The following SORCS3 variants were observed in gnomAD, a reference collection of about 807,000 sequenced individuals.
SORCS3 encodes the protein VPS10 domain-containing receptor SorCS3.
A neutral mutation model predicts 146.3 loss-of-function variants in SORCS3; 57 were observed. The ratio of observed to expected loss-of-function variants is 0.39; its 90% CI spans 0.31 to 0.49. SORCS3 has a LOEUF of 0.49. SORCS3 is among the 20% of genes least tolerant of loss of function. SORCS3 has a pLI of 0.92. For missense variants in SORCS3, 1,341 were observed against 1,575.5 expected, an observed-to-expected ratio of 0.85 and a Z score of 2.52; for synonymous variants, 653 against 618.5, an observed-to-expected ratio of 1.06 and a Z score of -0.83.
At chr10:105,001,470 T>C (rs995833109) in intron 4 of SORCS3, among the ~76,000 whole-genome samples, 3 of 152,264 alleles carry the variant, frequency 2.0e-5, no homozygotes, top group African/African-American at 4.8e-5. Context: ...TGTGTTGTCC[T>C]GTATGCTTCC....
At chr10:104,830,442 T>C (rs944952908) in intron 1 of SORCS3, among the ~76,000 whole-genome samples, 1 of 152,076 alleles carries the variant, frequency 6.6e-6, no homozygotes, top group Non-Finnish European at 1.5e-5. Flanking sequence ...GTTCCTGCTG[T>C]GTGTGCTGAG....
In SORCS3 at chr10:105,213,104, A is replaced by T. The variant is rs563605976; in HGVS notation, c.2376-1338A>T. The stretch of plus-strand genomic sequence containing the variant: ...GGTGCGCTACCATATTGCCTACCAT[A>T]TGGACAAGTGGTGCTATGTTAACCA... On this transcript the variant is annotated intron_variant, in intron 17 of 26. Transcript: ENST00000369701. Among the ~76,000 whole-genome samples the T allele has an allele frequency of 6.6e-5, 10 of 152,330 alleles. No homozygotes were observed. The East Asian group carries it at 1.9e-3, about 29-fold the overall frequency.
intron 1 of SORCS3, among the ~76,000 whole-genome samples, chr10:104,771,070 C>T (rs1272681900): frequency 2.6e-5 from 4 of 152,116 alleles, no homozygotes; most frequent in Admixed American, 6.6e-5. Flanking sequence ...TTGATAGCCA[C>T]GTGGGCTGAT....
chr10:105,071,264 T>C (rs2133726079), intron 5 of SORCS3, among the ~76,000 whole-genome samples: 1 of 152,338 alleles, frequency 6.6e-6, no homozygotes, highest in Middle Eastern at 3.4e-3. Flanking sequence ...TGAAAGGCTG[T>C]CACTACTCTC....
intron 1 of SORCS3, among the ~76,000 whole-genome samples, chr10:104,825,911 A>G (rs993586322): frequency 1.3e-5 from 2 of 152,152 alleles, no homozygotes; most frequent in East Asian, 3.8e-4. Flanking sequence ...CCTTGTTTCA[A>G]CAGCATTGCG....
intron 4 of SORCS3, among the ~76,000 whole-genome samples, chr10:105,036,184 A>G (rs530985017): frequency 3.5e-4 from 53 of 152,176 alleles, no homozygotes; most frequent in Non-Finnish European, 6.5e-4. Flanking sequence ...TTTAGCCACA[A>G]TTTTTGGGGA....
intron 5 of SORCS3, among the ~76,000 whole-genome samples, chr10:105,088,260 A>T (rs1491001722): frequency 6.6e-6 from 1 of 152,220 alleles, no homozygotes; most frequent in African/African-American, 2.4e-5. Flanking sequence ...ATGACTAATG[A>T]TGCCTGCTTT....
intron 3 of SORCS3, among the ~76,000 whole-genome samples, chr10:104,973,517 T>C (rs1208228015): frequency 2.0e-5 from 3 of 151,904 alleles, no homozygotes; most frequent in Non-Finnish European, 2.9e-5. Flanking sequence ...TGGTAGTTTG[T>C]ATTTCTGTGG....
intron 1 of SORCS3, among the ~76,000 whole-genome samples, chr10:104,786,049 A>T (rs2017431644): frequency 6.6e-6 from 1 of 152,088 alleles, no homozygotes; most frequent in African/African-American, 2.4e-5. Context: ...TGAGGGGAGG[A>T]TCCTCTTTAG....
Position 105,157,239 on chromosome 10 carries a change from A to G in SORCS3, c.1584A>G (p.Gln528=). The change falls in exon 10 of 27, where the codon CAA becomes CAG. Residue 528 remains glutamine (Q), a synonymous_variant. Coordinates refer to ENST00000369701, the MANE Select transcript of SORCS3 (RefSeq NM_014978.3). ...AAGGCAGGGATTGGCGCCTGCTGCA[A>G]GCTCCGGATGTGGACCTGAGAGGAA... ...YNKGRDWRLL[Q]APDVDLRGSP... The G allele has an allele frequency of 1.2e-6, 2 of 1,614,130 alleles. No homozygotes were observed. Among genetic ancestry groups the G allele is most frequent in the Non-Finnish European group, 1.7e-6 (2 of 1,179,966 alleles).
intron 4 of SORCS3, among the ~76,000 whole-genome samples, chr10:105,025,837 A>ACACACACACAC (rs2055224875): frequency 1.5e-5 from 2 of 135,418 alleles, no homozygotes; most frequent in African/African-American, 2.8e-5. Context: ...TGTCTTCTCA[A>ACACACACACAC]ACACACACAC....
intron 7 of SORCS3, among the ~76,000 whole-genome samples, chr10:105,131,935 T>C (rs1024378200): frequency 4.6e-5 from 7 of 152,136 alleles, no homozygotes; most frequent in African/African-American, 9.6e-5. Context: ...ACCTCCAACA[T>C]TGGGGATTAT....
intron 9 of SORCS3, among the ~76,000 whole-genome samples, chr10:105,154,704 G>A (rs1279657443): frequency 2.0e-5 from 3 of 152,200 alleles, no homozygotes; most frequent in African/African-American, 7.2e-5. Context: ...ATTGCATTTA[G>A]TGAGGGTGCG....
At chr10:104,913,098 G>A (rs896045287) in intron 2 of SORCS3, among the ~76,000 whole-genome samples, 2 of 152,196 alleles carry the variant, frequency 1.3e-5, no homozygotes, top group Non-Finnish European at 2.9e-5. Context: ...AGAAAGGGAC[G>A]TTGAAGCCAG....
chr10:104,876,779 TTC>T (rs2018578763), intron 2 of SORCS3, among the ~76,000 whole-genome samples: 2 of 151,098 alleles, frequency 1.3e-5, no homozygotes, highest in Admixed American at 6.6e-5. Flanking sequence ...CTTCCTTTCC[TTC>T]TTTTCTTTTT....
At chr10:104,794,588 GGTGTGTGT>G (rs373822186) in intron 1 of SORCS3, among the ~76,000 whole-genome samples, 1 of 133,936 alleles carries the variant, frequency 7.5e-6, no homozygotes, top group South Asian at 2.5e-4. Context: ...AGGTAGATAG[GGTGTGTGT>G]GTGTGTGTGA....
At chr10:104,690,273 G>A (rs2016096179) in intron 1 of SORCS3, among the ~76,000 whole-genome samples, 1 of 152,218 alleles carries the variant, frequency 6.6e-6, no homozygotes, top group Non-Finnish European at 1.5e-5. Context: ...GGTGTGGGAT[G>A]TGGATTTGAC....
At position 105,247,329 on chromosome 10, in the gene SORCS3, A is replaced by AAAGTAAGTT; in HGVS notation, c.3104_3105+7dup. On this transcript the variant is annotated stop_gained and inframe_insertion and splice_region_variant, in exon 22 of 27. Transcript: ENST00000369701. LOFTEE classifies it high-confidence loss of function. ...CAATGTCATCAAGCGAGCTCTGGTTAAAGTAAGTTGGCTTTGTCTTTTTTT... is the reference window on the plus strand; with the variant it reads ...CAATGTCATCAAGCGAGCTCTGGTTAAAGTAAGTTAAGTAAGTTGGCTTTGTCTTTTTTT... 6.3e-7 allele frequency: 1 copy of AAAGTAAGTT among 1,585,880 alleles called. No individual in the cohort carries two copies. Among genetic ancestry groups the AAAGTAAGTT allele is most frequent in the East Asian group, 2.2e-5 (1 of 44,684 alleles).
At chr10:104,824,996 G>A (rs965167500) in intron 1 of SORCS3, among the ~76,000 whole-genome samples, 1 of 152,218 alleles carries the variant, frequency 6.6e-6, no homozygotes, top group Admixed American at 6.5e-5. Context: ...TTCCCATCGC[G>A]GAGGCTGTCA....
Sources: allele counts gnomAD v4.1 joint callset (sites outside exome capture counted in the v4.1 genomes callset), GRCh38; gene constraint gnomAD v4.1.1; transcripts MANE v1.5; gene names NCBI Gene and HGNC (gene_info 2026-07-23, HGNC 2026-07-21).